The following KCNU1 variants were observed in gnomAD, a reference collection of about 807,000 sequenced individuals.
The protein encoded by KCNU1 is potassium calcium-activated channel subfamily U member 1.
Under a neutral mutation model 126.8 loss-of-function variants are expected in KCNU1, and 93 were observed. The ratio of observed to expected loss-of-function variants is 0.73; its 90% CI spans 0.62 to 0.87. The LOEUF is 0.87. Among genes scored for constraint, KCNU1 ranks in the 40% least tolerant of loss-of-function variants. The pLI is 0.00. For synonymous variants in KCNU1, 523 were observed against 494.2 expected (o/e 1.06, Z -0.77); for missense variants, 1,330 against 1,367.1 (o/e 0.97, Z 0.43).
chr8:36,904,395 C>A (rs1043958329), intron 19 of KCNU1, among the ~76,000 whole-genome samples: 1 of 152,050 alleles, frequency 6.6e-6, no homozygotes, highest in Non-Finnish European at 1.5e-5. Flanking sequence ...CACATGGCCC[C>A]ACCTACCTAT....
chr8:36,924,760 T>C (rs1439533840), intron 24 of KCNU1, among the ~76,000 whole-genome samples: 1 of 152,168 alleles, frequency 6.6e-6, no homozygotes, highest in Non-Finnish European at 1.5e-5. Context: ...CTCGATGAAC[T>C]TGACCTGTCT....
chr8:36,854,217 A>G (rs1805451230), intron 18 of KCNU1, among the ~76,000 whole-genome samples: 1 of 152,050 alleles, frequency 6.6e-6, no homozygotes, highest in South Asian at 2.1e-4. Flanking sequence ...AATTTATCCT[A>G]CTAGGAGTTT....
At position 36,809,469 on chromosome 8, in the gene KCNU1, C is replaced by T. The variant is rs574313733; in HGVS notation, c.732+676C>T. 6.6e-5 allele frequency among the ~76,000 whole-genome samples: 10 copies of T among 152,222 alleles called. 1 individual carries two copies. Among genetic ancestry groups the T allele is most frequent in the African/African-American group, 2.4e-4 (10 of 41,548 alleles). On this transcript the variant is annotated intron_variant, in intron 7 of 26. Transcript: ENST00000399881. ...CATAACAGGTCTTTTTTATCTGAGC[C>T]CTTCTCTCAAAATTAATATAAAACA...
intron 5 of KCNU1, 100 bp downstream of exon 5, chr8:36,806,480 C>A (rs978843143): frequency 1.5e-6 from 1 of 666,810 alleles, no homozygotes; most frequent in Non-Finnish European, 2.6e-6. Context: ...TAATGCCTGA[C>A]TGTCATTTTA....
chr8:36,907,716 G>C (rs547465606), intron 20 of KCNU1, among the ~76,000 whole-genome samples: 60 of 152,138 alleles, frequency 3.9e-4, no homozygotes, highest in Non-Finnish European at 7.1e-4. Flanking sequence ...TTTCATAGAA[G>C]ATTGCCATTT....
intron 18 of KCNU1, among the ~76,000 whole-genome samples, chr8:36,863,054 AC>A (rs948897110): frequency 6.6e-6 from 1 of 152,048 alleles, no homozygotes; most frequent in African/African-American, 2.4e-5. Context: ...TTAATTCCAA[AC>A]CCATCTCTTA....
At chr8:36,868,729 G>A (rs1805997699) in intron 19 of KCNU1, among the ~76,000 whole-genome samples, 1 of 152,146 alleles carries the variant, frequency 6.6e-6, no homozygotes, top group Non-Finnish European at 1.5e-5. Flanking sequence ...CTGTTTAATA[G>A]ATGGTAGTTA....
At chr8:36,805,581 G>A (rs1803469325) in intron 4 of KCNU1, among the ~76,000 whole-genome samples, 2 of 152,098 alleles carry the variant, frequency 1.3e-5, no homozygotes, top group African/African-American at 2.4e-5. Flanking sequence ...AATGACAAGC[G>A]AGCAGAACTT....
intron 18 of KCNU1, among the ~76,000 whole-genome samples, chr8:36,847,785 G>A (rs1805204675): frequency 6.6e-6 from 1 of 152,224 alleles, no homozygotes; most frequent in Non-Finnish European, 1.5e-5. Flanking sequence ...ACATGGAAGT[G>A]CAGATATCTT....
intron 16 of KCNU1, among the ~76,000 whole-genome samples, chr8:36,843,658 G>A (rs1483675154): frequency 1.3e-5 from 2 of 152,182 alleles, no homozygotes; most frequent in African/African-American, 4.8e-5. Context: ...ATTGGTAGAA[G>A]GAAGACTGCA....
chr8:36,930,770 C>T (rs185815193), intron 24 of KCNU1, among the ~76,000 whole-genome samples, 181 bp from the exon 25 acceptor site: 69 of 152,208 alleles, frequency 4.5e-4, no homozygotes, highest in Non-Finnish European at 4.6e-4. Context: ...TTGGCCTAAC[C>T]TGGCACAGTA....
intron 2 of KCNU1, among the ~76,000 whole-genome samples, chr8:36,794,970 T>C (rs1803040605): frequency 2.0e-5 from 3 of 151,638 alleles, no homozygotes; most frequent in Non-Finnish European, 2.9e-5. Context: ...ACATAAGAAA[T>C]GAAAGTCCAC....
At chr8:36,787,628 T>G (rs542393035) in intron 2 of KCNU1, among the ~76,000 whole-genome samples, 19 of 150,156 alleles carry the variant, frequency 1.3e-4, no homozygotes, top group Non-Finnish European at 2.5e-4. Context: ...CTGGAATGAA[T>G]ACGATTACTA....
chr8:36,804,113 T>G (rs981185462), intron 3 of KCNU1, 25 bp downstream of exon 3: 3 of 1,471,084 alleles, frequency 2.0e-6, no homozygotes, highest in Admixed American at 2.0e-5. Context: ...CAGTCACACT[T>G]GTCTGCTATA....
chr8:36,888,070 G>A (rs956070203), intron 19 of KCNU1, among the ~76,000 whole-genome samples: 2 of 152,174 alleles, frequency 1.3e-5, no homozygotes, highest in Admixed American at 6.5e-5. Context: ...GTTGGTCGGG[G>A]AAAGGGGGAT....
intron 23 of KCNU1, among the ~76,000 whole-genome samples, chr8:36,920,962 A>G (rs368069982): frequency 4.6e-5 from 7 of 152,286 alleles, no homozygotes; most frequent in African/African-American, 1.4e-4. Context: ...ATAGCAAGCA[A>G]TGGATTCTGA....
chr8:36,888,466 C>T, intron 19 of KCNU1: 1 of 478,776 alleles, frequency 2.1e-6, no homozygotes, highest in Non-Finnish European at 4.3e-6. Flanking sequence ...CTTCATCTCC[C>T]TTCAGCCCCA....
intron 19 of KCNU1, among the ~76,000 whole-genome samples, chr8:36,877,674 T>C (rs1487491659): frequency 3.3e-5 from 5 of 152,164 alleles, no homozygotes; most frequent in Admixed American, 2.6e-4. Flanking sequence ...CACTGAAATA[T>C]ACTCTGGTGT....
rs1807776366 is a variant in KCNU1, at chr8:36,909,447, TGAA to T, written c.2245_2247del (p.Lys749del). On this transcript the variant is annotated inframe_deletion, in exon 21 of 27. Transcript: ENST00000399881. ...GCCAGCAACTATACCAGGAAGGAGC[TGAA>T]GGACATAGTGTTCATTGGGTCTCTG... is the stretch of plus-strand genomic sequence containing the variant. 6.2e-7 allele frequency: 1 copy of T among 1,613,522 alleles called. No individual in the cohort carries two copies. Among genetic ancestry groups the T allele is most frequent in the Admixed American group, 1.7e-5 (1 of 59,996 alleles).
Sources: allele counts gnomAD v4.1 joint callset (sites outside exome capture counted in the v4.1 genomes callset), GRCh38; gene constraint gnomAD v4.1.1; transcripts MANE v1.5; gene names NCBI Gene and HGNC (gene_info 2026-07-23, HGNC 2026-07-21).